OXCT1: variants seen among roughly 807,000 people sequenced by gnomAD.
OXCT1 encodes the protein 3-oxoacid CoA-transferase 1.
Under a neutral mutation model 69.6 loss-of-function variants are expected in OXCT1, and 27 were observed. The observed-to-expected ratio is 0.39, with a 90% CI of 0.29 to 0.54. The LOEUF is 0.54. Among genes scored for constraint, OXCT1 ranks in the 20% least tolerant of loss-of-function variants. The probability of loss-of-function intolerance (pLI) is 0.72; values close to 1 mark genes in which losing one functional copy is unlikely to be tolerated. For synonymous variants in OXCT1, 202 were observed against 217.8 expected (o/e 0.93, Z 0.64); for missense variants, 437 against 650.2 (o/e 0.67, Z 3.57).
At chr5:41,813,710 A>G (rs1293861967) in intron 7 of OXCT1, among the ~76,000 whole-genome samples, 2 of 151,748 alleles carry the variant, frequency 1.3e-5, no homozygotes, top group Non-Finnish European at 2.9e-5. Flanking sequence ...GACAAAAACC[A>G]TATTCAGGGA....
intron 13 of OXCT1, among the ~76,000 whole-genome samples, chr5:41,771,803 A>C (rs1744883341): frequency 6.6e-6 from 1 of 152,226 alleles, no homozygotes; most frequent in African/African-American, 2.4e-5. Flanking sequence ...CATATTTAAA[A>C]ATCCAGGGAT....
At position 41,762,467 on chromosome 5, in the gene OXCT1, A is replaced by G. The variant is rs1282963503; in HGVS notation, c.1249-267T>C. Among the ~76,000 whole-genome samples, 1 of 151,980 alleles carries G rather than the reference A, an allele frequency of 6.6e-6. No individual in the cohort carries two copies. The highest frequency in any genetic ancestry group is 2.4e-5 in the African/African-American group (1 of 41,384). ...TTAGCAATAAGACAATCAGTGGATTAAAAAAAATTAAAAACCTTTCCAGAA... is the reference window on the plus strand; with the variant it reads ...TTAGCAATAAGACAATCAGTGGATTGAAAAAAATTAAAAACCTTTCCAGAA... On this transcript the variant is annotated intron_variant, in intron 13 of 16. Transcript: ENST00000196371. This position sits in a 1 kb window ranked among gnomAD's most constrained non-coding sequence, Gnocchi z 4.0.
chr5:41,736,907 C>T (rs1742911919), intron 16 of OXCT1, among the ~76,000 whole-genome samples: 1 of 152,158 alleles, frequency 6.6e-6, no homozygotes, highest in Admixed American at 6.5e-5. Flanking sequence ...GTGATAACCA[C>T]AGGGAATATT....
intron 3 of OXCT1, among the ~76,000 whole-genome samples, chr5:41,854,288 C>T (rs905350240): frequency 1.1e-4 from 17 of 152,116 alleles, no homozygotes; most frequent in South Asian, 4.2e-4. Flanking sequence ...TTAAAGCTGG[C>T]GCTCAATTTA....
chr5:41,847,185 A>G (rs1439325628), intron 5 of OXCT1, among the ~76,000 whole-genome samples: 2 of 151,920 alleles, frequency 1.3e-5, no homozygotes, highest in African/African-American at 4.8e-5. Flanking sequence ...TCTAGAAGAA[A>G]TGGATAAATT....
intron 7 of OXCT1, among the ~76,000 whole-genome samples, chr5:41,822,726 G>C (rs1747617089): frequency 6.6e-6 from 1 of 152,128 alleles, no homozygotes; most frequent in African/African-American, 2.4e-5. Context: ...GCCTCCCAAA[G>C]TGCTGGGATT....
intron 7 of OXCT1, among the ~76,000 whole-genome samples, chr5:41,829,302 C>T (rs1747978547): frequency 6.6e-6 from 1 of 151,990 alleles, no homozygotes; most frequent in South Asian, 2.1e-4. Context: ...AATAAAAACA[C>T]AAATTTGAGG....
chr5:41,786,108 T>C (rs1485360503), intron 13 of OXCT1, among the ~76,000 whole-genome samples: 1 of 152,054 alleles, frequency 6.6e-6, no homozygotes, highest in African/African-American at 2.4e-5. Flanking sequence ...ACTCCACCGG[T>C]AAGAGTCTAT....
intron 14 of OXCT1, among the ~76,000 whole-genome samples, chr5:41,761,306 G>A (rs1744335371): frequency 6.6e-6 from 1 of 152,094 alleles, no homozygotes; most frequent in Non-Finnish European, 1.5e-5. Flanking sequence ...AGTTCTAACA[G>A]AACTTCGGGC....
chr5:41,807,964 T>C (rs1009634091), intron 7 of OXCT1, among the ~76,000 whole-genome samples: 11 of 152,046 alleles, frequency 7.2e-5, no homozygotes, highest in Admixed American at 3.3e-4. Context: ...ACAACTGCAA[T>C]TGCTGAAATA....
intron 15 of OXCT1, among the ~76,000 whole-genome samples, chr5:41,745,621 T>G (rs995934465): frequency 6.6e-6 from 1 of 152,048 alleles, no homozygotes; most frequent in African/African-American, 2.4e-5. Context: ...GCTGGTTTTT[T>G]GAAAAGATCA....
At chr5:41,787,517 T>C (rs1345256341) in intron 13 of OXCT1, among the ~76,000 whole-genome samples, 3 of 149,898 alleles carry the variant, frequency 2.0e-5, no homozygotes, top group African/African-American at 7.4e-5. Flanking sequence ...TTATACAGAG[T>C]GAGAGCTCAG....
At position 41,870,101 on chromosome 5, in the gene OXCT1, C is replaced by G. The variant is rs1482521284; in HGVS notation, c.78+180G>C. The G allele has an allele frequency of 1.0e-5, 7 of 669,214 alleles. No homozygotes were observed. In the Admixed American group the frequency reaches 1.3e-4, roughly 12 times the overall value. 41.5% of individuals were successfully genotyped at this position (669,214 alleles called of 1,614,324 possible). A position where few individuals can be genotyped will look rare whatever the true frequency, so the allele number is the denominator to read the frequency against. ...TGCAGAACCAAGCAAAGGCGGTCATCCGAGGGGCCGGCGAGGCCAGGAACG... is the reference window on the plus strand; with the variant it reads ...TGCAGAACCAAGCAAAGGCGGTCATGCGAGGGGCCGGCGAGGCCAGGAACG... On this transcript the variant is annotated intron_variant, in intron 1 of 16. Coordinates refer to ENST00000196371, the MANE Select transcript of OXCT1 (RefSeq NM_000436.4). The surrounding 1 kb of genome is among the most constrained non-coding windows in gnomAD (Gnocchi z 4.2).
chr5:41,829,514 G>T (rs2112358953), intron 7 of OXCT1, among the ~76,000 whole-genome samples: 1 of 152,168 alleles, frequency 6.6e-6, no homozygotes, highest in Non-Finnish European at 1.5e-5. Flanking sequence ...ATGCAATGAA[G>T]TCCATTGTAC....
intron 13 of OXCT1, among the ~76,000 whole-genome samples, chr5:41,783,018 T>C (rs1312836543): frequency 6.6e-6 from 1 of 152,204 alleles, no homozygotes; most frequent in Non-Finnish European, 1.5e-5. Context: ...ATAACAGAAT[T>C]GCAGTTTATG....
At chr5:41,818,942 G>GA (rs983468124) in intron 7 of OXCT1, among the ~76,000 whole-genome samples, 2 of 149,664 alleles carry the variant, frequency 1.3e-5, no homozygotes, top group African/African-American at 4.9e-5. Flanking sequence ...AAAAGAAAAA[G>GA]AAAAAAAGCA....
chr5:41,843,502 T>A (rs552099934), intron 5 of OXCT1: 1 of 455,898 alleles, frequency 2.2e-6, no homozygotes, highest in East Asian at 6.9e-5. Context: ...GCTATTGATT[T>A]TTATTTATGT....
rs1220347395 is a variant in OXCT1 at position 41,803,138 on chromosome 5, G to A, written c.981C>T (p.Leu327=). 1 of 1,611,348 alleles carries A rather than the reference G, an allele frequency of 6.2e-7. No homozygotes were observed. The highest frequency in any genetic ancestry group is 8.5e-7 in the Non-Finnish European group (1 of 1,178,028). Residue 327 remains leucine, a synonymous_variant, in exon 10 of 17, where the codon CTC becomes CTT. Coordinates refer to ENST00000196371, the MANE Select transcript of OXCT1 (RefSeq NM_000436.4). ...TTGGGCTGATAAAATTGCTGGCCAGGAGAGGGATTCCTATGCCCAAATTAG... is the reference window on the plus strand; with the variant it reads ...TTGGGCTGATAAAATTGCTGGCCAGAAGAGGGATTCCTATGCCCAAATTAG... ...MYANLGIGIP[L]LASNFISPNI...
intron 1 of OXCT1, among the ~76,000 whole-genome samples, chr5:41,867,723 C>T (rs1289689029): frequency 6.6e-6 from 1 of 152,210 alleles, no homozygotes; most frequent in East Asian, 1.9e-4. Flanking sequence ...TCACCAGTTG[C>T]ACCAGAAGGA....
Sources: allele counts gnomAD v4.1 joint callset (sites outside exome capture counted in the v4.1 genomes callset), GRCh38; gene constraint gnomAD v4.1.1; non-coding constraint Gnocchi (gnomAD v3.1); transcripts MANE v1.5; gene names NCBI Gene and HGNC (gene_info 2026-07-23, HGNC 2026-07-21).